L3MBTL4: variants seen among roughly 807,000 people sequenced by gnomAD.
L3MBTL4 encodes L3MBTL histone methyl-lysine binding protein 4, also known as lethal(3)malignant brain tumor-like protein 4.
Under a neutral mutation model 84.5 loss-of-function variants are expected in L3MBTL4, and 70 were observed. The observed-to-expected ratio is 0.83, with a 90% confidence interval of 0.68 to 1.01. The LOEUF is 1.01. Ranked by LOEUF, L3MBTL4 falls within the 50% of genes least tolerant of loss-of-function variation. The pLI is 0.00. For synonymous variants in L3MBTL4, 274 were observed against 259.8 expected (o/e 1.05, Z -0.52); for missense variants, 715 against 754.8 (o/e 0.95, Z 0.62).
In L3MBTL4 at chr18:6,261,776, G is replaced by T. The variant is rs146845149; in HGVS notation, c.219+2171C>A. Among the ~76,000 whole-genome samples the T allele has an allele frequency of 6.8e-3, 1,029 of 152,264 alleles. 7 individuals are homozygous for T. Among genetic ancestry groups the T allele is most frequent in the Middle Eastern group, 0.017 (5 of 294 alleles). On this transcript the variant is annotated intron_variant, in intron 5 of 18. Transcript: ENST00000317931. ...TGCAGGTGTTCTTGCTCTGGCTGAT[G>T]GGGCTTAAAGGATCTCAGAGAAGAA...
chr18:6,055,041 G>C (rs1020241411), intron 16 of L3MBTL4, among the ~76,000 whole-genome samples: 1 of 152,210 alleles, frequency 6.6e-6, no homozygotes. Context: ...GAATCTGTGA[G>C]ACAGTATGAC....
chr18:6,132,762 A>AC (rs1387652708), intron 14 of L3MBTL4, among the ~76,000 whole-genome samples: 1 of 152,196 alleles, frequency 6.6e-6, no homozygotes, highest in Non-Finnish European at 1.5e-5. Context: ...CAGATGAGAG[A>AC]AAGTTCAGAG....
At chr18:6,276,545 G>C (rs1568424027) in intron 4 of L3MBTL4, among the ~76,000 whole-genome samples, 1 of 151,894 alleles carries the variant, frequency 6.6e-6, no homozygotes, top group Non-Finnish European at 1.5e-5. Context: ...AGAGTAATCA[G>C]CATTGTCATG....
At chr18:6,248,914 G>A (rs1196390842) in intron 5 of L3MBTL4, among the ~76,000 whole-genome samples, 3 of 152,080 alleles carry the variant, frequency 2.0e-5, no homozygotes, top group Non-Finnish European at 2.9e-5. Context: ...GTAAAATATC[G>A]TTAAATTTTT....
chr18:6,035,523 C>T (rs1298189465), intron 16 of L3MBTL4, among the ~76,000 whole-genome samples: 2 of 151,726 alleles, frequency 1.3e-5, no homozygotes, highest in African/African-American at 2.4e-5. Flanking sequence ...TGTTTTGGTA[C>T]CAGTACCATG....
chr18:6,362,958 T>C (rs2053774137), intron 1 of L3MBTL4, among the ~76,000 whole-genome samples: 1 of 152,216 alleles, frequency 6.6e-6, no homozygotes, highest in South Asian at 2.1e-4. Context: ...CGGAAAGCAC[T>C]CATCTACCGT....
chr18:6,081,111 T>G, intron 15 of L3MBTL4, 160 bp from the exon 16 acceptor site: 1 of 501,732 alleles, frequency 2.0e-6, no homozygotes. Flanking sequence ...AGTTTAAGAT[T>G]TTAAAAACAC....
chr18:5,993,936 T>G (rs1030882020), intron 16 of L3MBTL4, among the ~76,000 whole-genome samples: 3 of 152,216 alleles, frequency 2.0e-5, no homozygotes, highest in Admixed American at 1.3e-4. Flanking sequence ...TTAGTAAAGT[T>G]AGATGAAGGA....
At chr18:6,308,264 A>G (rs546706438) in intron 3 of L3MBTL4, among the ~76,000 whole-genome samples, 1 of 152,328 alleles carries the variant, frequency 6.6e-6, no homozygotes, top group East Asian at 1.9e-4. Flanking sequence ...GTTTACCCAT[A>G]CGGTAGAAGC....
chr18:5,983,555 G>C (rs899667504), intron 16 of L3MBTL4, among the ~76,000 whole-genome samples: 1 of 152,162 alleles, frequency 6.6e-6, no homozygotes, highest in Non-Finnish European at 1.5e-5. Context: ...GCTAGCGTTT[G>C]AAGAAGACTG....
At chr18:6,324,625 A>G in intron 1 of L3MBTL4, among the ~76,000 whole-genome samples, 1 of 152,208 alleles carries the variant, frequency 6.6e-6, no homozygotes, top group Admixed American at 6.5e-5. Context: ...ACTTACCATT[A>G]AAAAGATCAC....
intron 4 of L3MBTL4, among the ~76,000 whole-genome samples, chr18:6,293,744 G>C (rs1280007122): frequency 6.6e-6 from 1 of 152,156 alleles, no homozygotes; most frequent in African/African-American, 2.4e-5. Flanking sequence ...CATCCCTTCT[G>C]TGATATTTCC....
intron 1 of L3MBTL4, among the ~76,000 whole-genome samples, chr18:6,382,672 T>G (rs1242526446): frequency 6.6e-6 from 1 of 152,210 alleles, no homozygotes; most frequent in Non-Finnish European, 1.5e-5. Flanking sequence ...TGCTGCCTGT[T>G]TTTCCTCTGG....
chr18:6,111,658 C>T (rs2059199604), intron 14 of L3MBTL4, among the ~76,000 whole-genome samples: 1 of 152,184 alleles, frequency 6.6e-6, no homozygotes, highest in Admixed American at 6.5e-5. Context: ...GACTGAGCAT[C>T]TGCCCTTCTC....
At chr18:6,279,589 C>T (rs990435900) in intron 4 of L3MBTL4, among the ~76,000 whole-genome samples, 1 of 152,178 alleles carries the variant, frequency 6.6e-6, no homozygotes, top group Non-Finnish European at 1.5e-5. Flanking sequence ...AAGAGCACAT[C>T]TGTGTGCAGA....
chr18:6,085,293 G>A (rs1390131693), intron 15 of L3MBTL4, among the ~76,000 whole-genome samples: 2 of 152,178 alleles, frequency 1.3e-5, no homozygotes, highest in Non-Finnish European at 2.9e-5. Flanking sequence ...GGAATACAAT[G>A]CAGTTGTTAA....
chr18:6,256,049 G>A (rs2048125909), intron 5 of L3MBTL4, among the ~76,000 whole-genome samples: 1 of 152,192 alleles, frequency 6.6e-6, no homozygotes, highest in East Asian at 1.9e-4. Context: ...CAAACACTTG[G>A]TATCTGACTA....
At chr18:6,218,217 T>C (rs111995532) in intron 10 of L3MBTL4, among the ~76,000 whole-genome samples, 5,647 of 152,276 alleles carry the variant, frequency 0.037, 361 homozygotes, top group African/African-American at 0.13. Flanking sequence ...CCTGGGCTCA[T>C]GTTGTTCTCT....
chr18:6,367,060 G>A (rs1267940716), intron 1 of L3MBTL4, among the ~76,000 whole-genome samples: 1 of 152,168 alleles, frequency 6.6e-6, no homozygotes, highest in Non-Finnish European at 1.5e-5. Flanking sequence ...CAGGAGGGGG[G>A]CTCCCCCAGC....
Sources: gnomAD v4.1 joint callset for allele counts (sites outside exome capture counted in the v4.1 genomes callset) on GRCh38, gnomAD v4.1.1 for gene constraint, MANE v1.5 for transcripts, NCBI Gene and HGNC (gene_info 2026-07-23, HGNC 2026-07-21) for gene names.